SHKBP1: variants seen among roughly 807,000 people sequenced by gnomAD.
SHKBP1 encodes the protein SH3KBP1-binding protein 1.
Under a neutral mutation model 83.9 loss-of-function variants are expected in SHKBP1, and 71 were observed. The observed-to-expected ratio is 0.85, with a 90% CI of 0.70 to 1.03. SHKBP1 has a LOEUF of 1.03. SHKBP1 is among the 50% of genes least tolerant of loss of function. The pLI, the probability that SHKBP1 is intolerant of heterozygous loss-of-function variation, is 0.00. For synonymous variants in SHKBP1, 371 were observed against 398.0 expected, an observed-to-expected ratio of 0.93 and a Z score of 0.81; for missense variants, 824 against 982.4, an observed-to-expected ratio of 0.84 and a Z score of 2.16.
intron 12 of SHKBP1, among the ~76,000 whole-genome samples, chr19:40,585,188 C>T (rs1302884153): frequency 6.6e-6 from 1 of 152,098 alleles, no homozygotes; most frequent in African/African-American, 2.4e-5. Context: ...TTCTCTGCCA[C>T]CTCCGCCACT....
chr19:40,585,995 C>A (rs1438680583), intron 12 of SHKBP1, among the ~76,000 whole-genome samples: 1 of 151,492 alleles, frequency 6.6e-6, no homozygotes, highest in African/African-American at 2.4e-5. Context: ...AGCCTCACCC[C>A]CTGGGCTCAA....
Position 40,576,930 on chromosome 19 carries a change from G to A in SHKBP1, c.31G>A (p.Val11Ile), listed in dbSNP as rs1433875322. 1 of 1,491,266 alleles carries A rather than the reference G, an allele frequency of 6.7e-7. No individual in the cohort carries two copies. The highest frequency in any genetic ancestry group is 2.5e-5 in the East Asian group (1 of 40,620). 92.4% of individuals were successfully genotyped at this position (1,491,266 alleles called of 1,614,324 possible). MAAAATAAEG[V>I]PSRGPPGEVI... ...AGCAGCGGCTACTGCAGCCGAGGGG[G>A]TCCCCAGTCGGGGGCCTCCCGGGGA... is the stretch of plus-strand genomic sequence containing the variant. The change falls in exon 1 of 18, where the codon GTC becomes ATC. Residue 11 changes from valine (V) to isoleucine (I), a missense_variant. Transcript: ENST00000291842.
In SHKBP1 at chr19:40,591,241, T is replaced by C. The variant is rs774671774; in HGVS notation, c.*34T>C. ...GCTGCCATGATGCCTTGGGATGCCCTGGTCCTGGGGGACTCAGGTGCCTCC... is the reference window on the plus strand; with the variant it reads ...GCTGCCATGATGCCTTGGGATGCCCCGGTCCTGGGGGACTCAGGTGCCTCC... On this transcript the variant is annotated 3_prime_UTR_variant, in exon 18 of 18. Coordinates refer to ENST00000291842, the MANE Select transcript of SHKBP1 (RefSeq NM_138392.4). The C allele has an allele frequency of 3.9e-6, 6 of 1,531,728 alleles. No individual in the cohort carries two copies. In the Admixed American group the frequency reaches 1.1e-4, roughly 28 times the overall value. The allele number at this position is 1,531,728 out of a possible 1,614,324, so 94.9% of individuals were successfully genotyped here. A position where few individuals can be genotyped will look rare whatever the true frequency, so the allele number is the denominator to read the frequency against.
Position 40,591,000 on chromosome 19 carries a change from C to T in SHKBP1, c.1917C>T (p.Thr639=). 6.2e-7 allele frequency: 1 copy of T among 1,609,584 alleles called. No individual in the cohort carries two copies. The highest frequency in any genetic ancestry group is 8.5e-7 in the Non-Finnish European group (1 of 1,176,450). Residue 639 remains threonine, a synonymous_variant, in exon 18 of 18, where the codon ACC becomes ACT. Transcript: ENST00000291842. This position sits in a 1 kb window ranked among gnomAD's most constrained non-coding sequence, Gnocchi z 4.6. ...GCCTCCACTCAGCCTCCAGCAACAC[C>T]TCCTTGTCTGGCCACCGTGGGAGCC... ...LTSLHSASSN[T]SLSGHRGSPS...
At chr19:40,580,294 C>A in intron 6 of SHKBP1, 30 bp from the exon 7 acceptor site, 1 of 1,594,500 alleles carries the variant, frequency 6.3e-7, no homozygotes, top group Non-Finnish European at 8.6e-7. Context: ...ATTACAATGA[C>A]TGTTACTCTA....
At chr19:40,585,275 T>A (rs2081302294) in intron 12 of SHKBP1, among the ~76,000 whole-genome samples, 1 of 152,006 alleles carries the variant, frequency 6.6e-6, no homozygotes, top group Non-Finnish European at 1.5e-5. Context: ...CTGTCTAATT[T>A]TTGTATTTTT....
intron 1 of SHKBP1, 54 bp from the exon 2 acceptor site, chr19:40,577,177 C>T: frequency 3.8e-6 from 6 of 1,597,724 alleles, no homozygotes; most frequent in Non-Finnish European, 5.1e-6. Flanking sequence ...GAGGGGGACG[C>T]ATTCCTCACC....
In SHKBP1 at chr19:40,590,660, T is replaced by A. The variant is rs1286629569; in HGVS notation, c.1769-70T>A. 1.1e-5 allele frequency: 16 copies of A among 1,509,042 alleles called. No homozygotes were observed. The highest frequency in any genetic ancestry group is 5.1e-5 in the South Asian group (4 of 77,950). 93.5% of individuals were successfully genotyped at this position (1,509,042 alleles called of 1,614,324 possible). A position where few individuals can be genotyped will look rare whatever the true frequency, so the allele number is the denominator to read the frequency against. Reference sequence around the variant, plus strand: ...CTGTCCTGACCCTCGGTGCTTGCACTGCAATGCAACCCAGGCCCTTGCCCT... The same window carrying A: ...CTGTCCTGACCCTCGGTGCTTGCACAGCAATGCAACCCAGGCCCTTGCCCT... On this transcript the variant is annotated intron_variant, in intron 16 of 17. Transcript: ENST00000291842. This position sits in a 1 kb window ranked among gnomAD's most constrained non-coding sequence, Gnocchi z 4.6.
chr19:40,580,593 G>T lies in SHKBP1; in HGVS notation c.590G>T (p.Arg197Leu). ...SGQPEEPGMV[R>L]LVCGHHNWIA... ...CAACCTGAGGAGCCGGGGATGGTGC[G>T]CCTGGTGTGTGGACACCATAATTGG... is the stretch of plus-strand genomic sequence containing the variant. The change falls in exon 8 of 18, where the codon CGC (arginine) becomes CTC (leucine). Residue 197 changes from arginine to leucine, a missense_variant. Physicochemically the swap from Arg to Leu is moderately radical, Grantham distance 102. Coordinates refer to ENST00000291842, the MANE Select transcript of SHKBP1 (RefSeq NM_138392.4). The T allele has an allele frequency of 6.2e-7, 1 of 1,614,146 alleles. No individual in the cohort carries two copies. The highest frequency in any genetic ancestry group is 8.5e-7 in the Non-Finnish European group (1 of 1,180,014).
intron 8 of SHKBP1, 42 bp from the exon 9 acceptor site, chr19:40,580,704 G>A: frequency 1.2e-6 from 2 of 1,613,952 alleles, no homozygotes; most frequent in East Asian, 2.2e-5. Flanking sequence ...TTGATGGGAA[G>A]GGCATGCGGT....
chr19:40,584,048 C>G (rs914660663), intron 12 of SHKBP1, among the ~76,000 whole-genome samples: 1 of 152,106 alleles, frequency 6.6e-6, no homozygotes, highest in African/African-American at 2.4e-5. Flanking sequence ...ACCATGTTGG[C>G]CAGGCTGGTC....
Position 40,580,424 on chromosome 19 carries a change from C to T in SHKBP1, c.501C>T (p.Asn167=), listed in dbSNP as rs780134037. Residue 167 remains asparagine (N), a synonymous_variant, in exon 7 of 18, where the codon AAC becomes AAT. Coordinates refer to ENST00000291842, the MANE Select transcript of SHKBP1 (RefSeq NM_138392.4). The part of the protein sequence containing the change: ...PVRRSNTMPP[N]LGNAGLLGRM... ...GACGGAGCAACACGATGCCCCCCAACCTTGGCAATGCAGGGCTGCTGGGCC... is the reference window on the plus strand; with the variant it reads ...GACGGAGCAACACGATGCCCCCCAATCTTGGCAATGCAGGGCTGCTGGGCC... The T allele has an allele frequency of 1.1e-5, 18 of 1,614,064 alleles. No homozygotes were observed. Among genetic ancestry groups the T allele is most frequent in the Non-Finnish European group, 1.4e-5 (16 of 1,180,036 alleles).
chr19:40,578,525 G>T lies in SHKBP1; in HGVS notation c.383G>T (p.Gly128Val), dbSNP rs1217426376. 1.2e-6 allele frequency: 2 copies of T among 1,613,936 alleles called. No individual in the cohort carries two copies. Among genetic ancestry groups the T allele is most frequent in the Non-Finnish European group, 1.7e-6 (2 of 1,179,992 alleles). ...RSSCGNVLFN[G>V]YLPPPVFPVK... ...TCTTGTGGAAACGTCCTCTTCAATG[G>T]TTACCTGCCGCCACCAGGTAGGCAC... Residue 128 changes from glycine to valine, a missense_variant, in exon 6 of 18, where the codon GGT becomes GTT. This residue lies in a region of SHKBP1 where 355 missense variants were observed against 386.4 expected (regional missense o/e 0.92). Transcript: ENST00000291842.
intron 12 of SHKBP1, among the ~76,000 whole-genome samples, 189 bp downstream of exon 12, chr19:40,583,906 T>C (rs1599843170): frequency 6.6e-6 from 1 of 152,052 alleles, no homozygotes; most frequent in Non-Finnish European, 1.5e-5. Context: ...AGTGGTGCAA[T>C]CTTGGCTCAC....
Position 40,590,259 on chromosome 19 carries a change from C to T in SHKBP1, c.1605C>T (p.Arg535=). The T allele has an allele frequency of 1.3e-6, 2 of 1,597,756 alleles. No individual in the cohort carries two copies. The highest frequency in any genetic ancestry group is 1.3e-5 in the African/African-American group (1 of 74,634). The change falls in exon 16 of 18, where the codon CGC becomes CGT. Residue 535 remains arginine (R), a synonymous_variant. Transcript: ENST00000291842. The surrounding 1 kb of genome is among the most constrained non-coding windows in gnomAD (Gnocchi z 4.6). The part of the protein sequence containing the change: ...SSTGQRVCSV[R]SVDGSPTTAF... ...CACCCCCCAGGGTGTGCTCCGTGCG[C>T]TCCGTGGACGGCTCACCCACGACAG...
intron 1 of SHKBP1, 96 bp from the exon 2 acceptor site, chr19:40,577,135 G>C (rs964766153): frequency 1.3e-6 from 2 of 1,497,290 alleles, no homozygotes; most frequent in African/African-American, 2.8e-5. Context: ...CGCCGGGGGA[G>C]GGGGAAGGGG....
At chr19:40,577,173 G>A in intron 1 of SHKBP1, 58 bp from the exon 2 acceptor site, 1 of 1,596,336 alleles carries the variant, frequency 6.3e-7, no homozygotes, top group Non-Finnish European at 8.6e-7. Context: ...GCGGGAGGGG[G>A]ACGCATTCCT....
intron 13 of SHKBP1, among the ~76,000 whole-genome samples, chr19:40,588,120 T>G (rs896722346): frequency 5.9e-5 from 9 of 152,122 alleles, no homozygotes; most frequent in Non-Finnish European, 1.0e-4. Flanking sequence ...GCAAAGGCTC[T>G]GAGGTGAGAG....
chr19:40,588,162 G>C (rs1465957552), intron 13 of SHKBP1, among the ~76,000 whole-genome samples: 1 of 152,196 alleles, frequency 6.6e-6, no homozygotes, highest in Non-Finnish European at 1.5e-5. Flanking sequence ...AGCCACTTGT[G>C]CCTGGAACAG....
Sources: gnomAD v4.1 joint callset for allele counts (sites outside exome capture counted in the v4.1 genomes callset) on GRCh38, gnomAD v4.1.1 for gene constraint, gnomAD v4.1.1 regional missense constraint, Gnocchi (gnomAD v3.1) non-coding constraint, MANE v1.5 for transcripts, NCBI Gene and HGNC (gene_info 2026-07-23, HGNC 2026-07-21) for gene names.